Variants in PCDHGC4 observed in about 807,000 individuals in gnomAD.
PCDHGC4 encodes the protein protocadherin gamma-C4.
A neutral mutation model predicts 59.7 loss-of-function variants in PCDHGC4; 15 were observed. The ratio of observed to expected loss-of-function variants is 0.25; its 90% CI spans 0.17 to 0.39. PCDHGC4 has a LOEUF of 0.39. Among genes scored for constraint, PCDHGC4 ranks in the 10% least tolerant of loss-of-function variants. The pLI is 1.00. For synonymous variants in PCDHGC4, 434 were observed against 481.4 expected (o/e 0.90, Z 1.29); for missense variants, 1,016 against 1,189.5 (o/e 0.85, Z 2.15).
At position 141,491,489 on chromosome 5, in the gene PCDHGC4, A is replaced by T; in HGVS notation, c.2443-3318A>T. 1.2e-6 allele frequency: 2 copies of T among 1,614,130 alleles called. No individual in the cohort carries two copies. Among genetic ancestry groups the T allele is most frequent in the Non-Finnish European group, 1.7e-6 (2 of 1,180,018 alleles). On this transcript the variant is annotated intron_variant, in intron 1 of 3. Coordinates refer to ENST00000306593, the MANE Select transcript of PCDHGC4 (RefSeq NM_018928.3). This position sits in a 1 kb window ranked among gnomAD's most constrained non-coding sequence, Gnocchi z 6.9. ...TATAAGCAGTCCAGCCCCAACCTGC[A>T]GGTGAGCTCGGACGGCACGCTCAAG... is the stretch of plus-strand genomic sequence containing the variant.
At chr5:141,501,036 T>C (rs893597004) in intron 2 of PCDHGC4, among the ~76,000 whole-genome samples, 4 of 151,702 alleles carry the variant, frequency 2.6e-5, no homozygotes, top group Non-Finnish European at 4.4e-5. Flanking sequence ...GCCCAGCTAA[T>C]TTTTGTATTT....
chr5:141,491,483 A>ACCTGCAGGTGAGCTCGG lies in PCDHGC4; in HGVS notation c.2443-3323_2443-3307dup. The ACCTGCAGGTGAGCTCGG allele has an allele frequency of 3.1e-6, 5 of 1,614,018 alleles. No individual in the cohort carries two copies. The highest frequency in any genetic ancestry group is 4.2e-6 in the Non-Finnish European group (5 of 1,180,012). ...GACTTCTATAAGCAGTCCAGCCCCAACCTGCAGGTGAGCTCGGACGGCACG... is the reference window on the plus strand; with the variant it reads ...GACTTCTATAAGCAGTCCAGCCCCAACCTGCAGGTGAGCTCGGCCTGCAGGTGAGCTCGGACGGCACG... On this transcript the variant is annotated intron_variant, in intron 1 of 3. Coordinates refer to ENST00000306593, the MANE Select transcript of PCDHGC4 (RefSeq NM_018928.3). The surrounding 1 kb of genome is among the most constrained non-coding windows in gnomAD (Gnocchi z 6.9).
At position 141,486,045 on chromosome 5, in the gene PCDHGC4, A is replaced by G. The variant is rs2099623524; in HGVS notation, c.872A>G (p.Asn291Ser). The G allele has an allele frequency of 4.3e-6, 7 of 1,613,428 alleles. No individual in the cohort carries two copies. The highest frequency in any genetic ancestry group is 5.1e-6 in the Non-Finnish European group (6 of 1,179,858). ...FSGHTPDRVR[N>S]LFSLHPTTGK... ...GGTCATACCCCTGATCGTGTAAGAA[A>G]CCTCTTTAGCCTGCACCCCACTACT... The change falls in exon 1 of 4, where the codon AAC (asparagine) becomes AGC (serine). Residue 291 changes from asparagine (N) to serine (S), a missense_variant. By Grantham distance (46) the Asn-to-Ser change is conservative (BLOSUM62 1). Coordinates refer to ENST00000306593, the MANE Select transcript of PCDHGC4 (RefSeq NM_018928.3). This position sits in a 1 kb window ranked among gnomAD's most constrained non-coding sequence, Gnocchi z 5.0.
chr5:141,494,792 C>A lies in PCDHGC4; in HGVS notation c.2443-15C>A. The A allele has an allele frequency of 6.2e-7, 1 of 1,614,132 alleles. No individual in the cohort carries two copies. Among genetic ancestry groups the A allele is most frequent in the East Asian group, 2.2e-5 (1 of 44,878 alleles). Reference sequence around the variant, plus strand: ...TCACGGGTACTCAGCCCCTTTCCCTCTGTTTTCTCCACAGCAAGCCCCGCC... The same window carrying A: ...TCACGGGTACTCAGCCCCTTTCCCTATGTTTTCTCCACAGCAAGCCCCGCC... On this transcript the variant is annotated splice_polypyrimidine_tract_variant and intron_variant, in intron 1 of 3. Transcript: ENST00000306593.
rs778744503 is a variant in PCDHGC4, at chr5:141,511,152, G to A, written c.2796G>A (p.Ser932=). Residue 932 remains serine (S), a synonymous_variant, in exon 4 of 4, where the codon TCG becomes TCA. Transcript: ENST00000306593. The part of the protein sequence containing the change: ...PAGGNGNKKK[S]GKKEKK ...GTGGCAATGGCAACAAGAAGAAGTCGGGCAAGAAGGAGAAGAAGTAACATG... is the reference window on the plus strand; with the variant it reads ...GTGGCAATGGCAACAAGAAGAAGTCAGGCAAGAAGGAGAAGAAGTAACATG... The A allele has an allele frequency of 2.0e-5, 32 of 1,614,022 alleles. No individual in the cohort carries two copies. Among genetic ancestry groups the A allele is most frequent in the South Asian group, 4.4e-5 (4 of 91,090 alleles).
Position 141,490,602 on chromosome 5 carries a change from C to G in PCDHGC4, c.2442+2987C>G, listed in dbSNP as rs1249440194. On this transcript the variant is annotated intron_variant, in intron 1 of 3. Transcript: ENST00000306593. This position sits in a 1 kb window ranked among gnomAD's most constrained non-coding sequence, Gnocchi z 5.4. Reference sequence around the variant, plus strand: ...ATGTCAATGACAATGCACCCCGCTTCAACCAGCAGCTTTACACTGCTTACA... The same window carrying G: ...ATGTCAATGACAATGCACCCCGCTTGAACCAGCAGCTTTACACTGCTTACA... The G allele has an allele frequency of 6.2e-7, 1 of 1,614,084 alleles. No individual in the cohort carries two copies. Among genetic ancestry groups the G allele is most frequent in the African/African-American group, 1.3e-5 (1 of 74,930 alleles).
Position 141,511,464 on chromosome 5 carries a change from C to G in PCDHGC4, c.*291C>G. 1.9e-6 allele frequency: 1 copy of G among 538,254 alleles called. No individual in the cohort carries two copies. The highest frequency in any genetic ancestry group is 2.1e-5 in the South Asian group (1 of 47,028). The allele number at this position is 538,254 out of a possible 1,614,324, so 33.3% of individuals were successfully genotyped here. On this transcript the variant is annotated 3_prime_UTR_variant, in exon 4 of 4. Transcript: ENST00000306593. ...ACACCAAGAACCATTTGCCACACCC[C>G]GTTTAGTTACAGCTGAACTCCTCCA...
At chr5:141,495,896 CTCTG>C (rs1175207502) in intron 2 of PCDHGC4, among the ~76,000 whole-genome samples, 2 of 152,108 alleles carry the variant, frequency 1.3e-5, no homozygotes, top group Non-Finnish European at 2.9e-5. Flanking sequence ...CTCTCTTTGT[CTCTG>C]TCTCTGTATA....
At chr5:141,503,325 G>A (rs1002520312) in intron 2 of PCDHGC4, among the ~76,000 whole-genome samples, 10 of 152,104 alleles carry the variant, frequency 6.6e-5, no homozygotes, top group East Asian at 1.9e-4. Flanking sequence ...GGAGGGGCGC[G>A]GTGGCTCACG....
In PCDHGC4 at chr5:141,485,848, C is replaced by T; in HGVS notation, c.675C>T (p.Thr225=). Residue 225 remains threonine (T), a synonymous_variant, in exon 1 of 4, where the codon ACC becomes ACT. Coordinates refer to ENST00000306593, the MANE Select transcript of PCDHGC4 (RefSeq NM_018928.3). This position sits in a 1 kb window ranked among gnomAD's most constrained non-coding sequence, Gnocchi z 5.7. ...VDGGNPPRSG[T]AELRVSVLDV... ...GAGGGAACCCGCCGAGATCTGGCAC[C>T]GCAGAGCTCCGGGTATCCGTGCTGG... The T allele has an allele frequency of 1.2e-6, 2 of 1,614,194 alleles. No homozygotes were observed. Among genetic ancestry groups the T allele is most frequent in the South Asian group, 2.2e-5 (2 of 91,080 alleles).
At chr5:141,506,188 C>A (rs925159785) in intron 3 of PCDHGC4, among the ~76,000 whole-genome samples, 1 of 152,058 alleles carries the variant, frequency 6.6e-6, no homozygotes, top group Non-Finnish European at 1.5e-5. Flanking sequence ...TGGTGGCTCA[C>A]GCCTGTAATC....
intron 3 of PCDHGC4, among the ~76,000 whole-genome samples, chr5:141,510,054 G>A (rs1166696269): frequency 1.3e-5 from 2 of 152,180 alleles, no homozygotes; most frequent in Non-Finnish European, 2.9e-5. Context: ...AAAAGTGATT[G>A]TGCATGTGAA....
chr5:141,488,193 T>C (rs1211647195), intron 1 of PCDHGC4, among the ~76,000 whole-genome samples: 1 of 152,122 alleles, frequency 6.6e-6, no homozygotes, highest in Non-Finnish European at 1.5e-5. Flanking sequence ...TTGGTCTGGG[T>C]CTTAGGACTC....
rs966291038 is a variant in PCDHGC4, at chr5:141,487,740, G to A, written c.2442+125G>A. 4 of 1,562,290 alleles carry A rather than the reference G, an allele frequency of 2.6e-6. No individual in the cohort carries two copies. The highest frequency in any genetic ancestry group is 1.7e-6 in the Non-Finnish European group (2 of 1,151,972). On this transcript the variant is annotated intron_variant, in intron 1 of 3. Transcript: ENST00000306593. The surrounding 1 kb of genome is among the most constrained non-coding windows in gnomAD (Gnocchi z 5.0). ...CATAGTGATGTCACCATTTTTGTAAGAGGTAACTATGTGGTAGACGCTGTG... is the reference window on the plus strand; with the variant it reads ...CATAGTGATGTCACCATTTTTGTAAAAGGTAACTATGTGGTAGACGCTGTG...
Position 141,507,461 on chromosome 5 carries a change from G to A in PCDHGC4, c.2590+1980G>A, listed in dbSNP as rs145114393. On this transcript the variant is annotated intron_variant, in intron 3 of 3. Coordinates refer to ENST00000306593, the MANE Select transcript of PCDHGC4 (RefSeq NM_018928.3). ...AGCTGACGGAAGGACAGAGAGAGAG[G>A]TGGCAGGGACTGCTGGCCTCCTGAG... Among the ~76,000 whole-genome samples the A allele has an allele frequency of 3.8e-3, 581 of 152,330 alleles. 5 individuals are homozygous for A. Among genetic ancestry groups the A allele is most frequent in the African/African-American group, 0.012 (485 of 41,570 alleles).
Position 141,490,629 on chromosome 5 carries a change from C to T in PCDHGC4, c.2442+3014C>T, listed in dbSNP as rs1174984711. 1.2e-6 allele frequency: 2 copies of T among 1,614,214 alleles called. No individual in the cohort carries two copies. Among genetic ancestry groups the T allele is most frequent in the East Asian group, 2.2e-5 (1 of 44,882 alleles). On this transcript the variant is annotated intron_variant, in intron 1 of 3. Coordinates refer to ENST00000306593, the MANE Select transcript of PCDHGC4 (RefSeq NM_018928.3). This position sits in a 1 kb window ranked among gnomAD's most constrained non-coding sequence, Gnocchi z 5.4. ...ACCAGCAGCTTTACACTGCTTACAT[C>T]CTAGAAAACCGGCCTCCGGGCTCCC...
intron 1 of PCDHGC4, among the ~76,000 whole-genome samples, chr5:141,488,398 A>T (rs2099675065): frequency 6.6e-6 from 1 of 152,192 alleles, no homozygotes; most frequent in African/African-American, 2.4e-5. Flanking sequence ...GAAACCATGA[A>T]ACCTAGAAGC....
chr5:141,494,801 C>T lies in PCDHGC4; in HGVS notation c.2443-6C>T, dbSNP rs2099757031. ...CTCAGCCCCTTTCCCTCTGTTTTCTCCACAGCAAGCCCCGCCCAACACGGA... is the reference window on the plus strand; with the variant it reads ...CTCAGCCCCTTTCCCTCTGTTTTCTTCACAGCAAGCCCCGCCCAACACGGA... On this transcript the variant is annotated splice_polypyrimidine_tract_variant and splice_region_variant and intron_variant, in intron 1 of 3. Transcript: ENST00000306593. The T allele has an allele frequency of 6.2e-7, 1 of 1,614,146 alleles. No individual in the cohort carries two copies. The highest frequency in any genetic ancestry group is 2.2e-5 in the East Asian group (1 of 44,880).
At position 141,485,163 on chromosome 5, in the gene PCDHGC4, G is replaced by A. The variant is rs2099608470; in HGVS notation, c.-11G>A. 14 of 1,604,624 alleles carry A rather than the reference G, an allele frequency of 8.7e-6. No individual in the cohort carries two copies. The highest frequency in any genetic ancestry group is 1.1e-5 in the Non-Finnish European group (13 of 1,172,560). ...TCTCAGGAGCAAGTAGAGAATTAGCGGGCGGCAGCAATGCTCCGCAAGGTG... is the reference window on the plus strand; with the variant it reads ...TCTCAGGAGCAAGTAGAGAATTAGCAGGCGGCAGCAATGCTCCGCAAGGTG... On this transcript the variant is annotated 5_prime_UTR_variant, in exon 1 of 4. Coordinates refer to ENST00000306593, the MANE Select transcript of PCDHGC4 (RefSeq NM_018928.3). The surrounding 1 kb of genome is among the most constrained non-coding windows in gnomAD (Gnocchi z 5.7).
Sources: gnomAD v4.1 joint callset for allele counts (sites outside exome capture counted in the v4.1 genomes callset) on GRCh38, gnomAD v4.1.1 for gene constraint, Gnocchi (gnomAD v3.1) non-coding constraint, MANE v1.5 for transcripts, NCBI Gene and HGNC (gene_info 2026-07-23, HGNC 2026-07-21) for gene names.